Variants in XRCC4 observed in about 807,000 individuals in gnomAD.
XRCC4 encodes the protein DNA repair protein XRCC4.
In XRCC4, 28 loss-of-function variants were observed where a neutral mutation model predicts 39.1. The ratio of observed to expected loss-of-function variants is 0.72; its 90% confidence interval spans 0.53 to 0.98. The LOEUF (loss-of-function observed/expected upper bound fraction) is 0.98, where lower values mean the gene tolerates loss of function less well. Among genes scored for constraint, XRCC4 ranks in the 50% least tolerant of loss-of-function variants. The pLI is 0.00. For synonymous variants in XRCC4, 123 were observed against 126.4 expected, an observed-to-expected ratio of 0.97 and a Z score of 0.18; for missense variants, 350 against 376.4, an observed-to-expected ratio of 0.93 and a Z score of 0.58.
At chr5:83,090,442 G>A (rs956282103) in intron 1 of XRCC4, among the ~76,000 whole-genome samples, 4 of 152,096 alleles carry the variant, frequency 2.6e-5, no homozygotes, top group African/African-American at 4.8e-5. Flanking sequence ...TTATGAGACC[G>A]CCTCAGCCAT....
chr5:83,267,654 G>A (rs912054161), intron 7 of XRCC4, among the ~76,000 whole-genome samples: 1 of 152,136 alleles, frequency 6.6e-6, no homozygotes, highest in Non-Finnish European at 1.5e-5. Context: ...AGGGAGCAGG[G>A]CAGCATACCC....
chr5:83,120,379 A>G (rs1746952099), intron 3 of XRCC4, among the ~76,000 whole-genome samples: 1 of 152,206 alleles, frequency 6.6e-6, no homozygotes, highest in Non-Finnish European at 1.5e-5. Context: ...AGTTTTCAGT[A>G]TTCATAAAAG....
intron 7 of XRCC4, among the ~76,000 whole-genome samples, chr5:83,267,546 A>G (rs1753998396): frequency 6.6e-6 from 1 of 152,138 alleles, no homozygotes; most frequent in Non-Finnish European, 1.5e-5. Context: ...ATACATTCCT[A>G]TGTCTCTTTC....
At chr5:83,283,428 C>T (rs1480726310) in intron 7 of XRCC4, among the ~76,000 whole-genome samples, 1 of 152,166 alleles carries the variant, frequency 6.6e-6, no homozygotes, top group Non-Finnish European at 1.5e-5. Context: ...TGTGTTACTA[C>T]TTTTTCCTTT....
intron 7 of XRCC4, among the ~76,000 whole-genome samples, chr5:83,342,446 T>C (rs921456588): frequency 6.6e-6 from 1 of 152,206 alleles, no homozygotes; most frequent in Non-Finnish European, 1.5e-5. Flanking sequence ...ATTAAGTGTA[T>C]TCACTCTTTA....
chr5:83,134,678 A>G (rs1163452450), intron 3 of XRCC4, among the ~76,000 whole-genome samples: 2 of 152,222 alleles, frequency 1.3e-5, no homozygotes, highest in South Asian at 2.1e-4. Context: ...AGCCAGCAGC[A>G]GCAACTCACT....
the XRCC4 span, among the ~76,000 whole-genome samples, chr5:83,364,768 A>G: frequency 1.3e-5 from 2 of 152,184 alleles, no homozygotes; most frequent in African/African-American, 4.8e-5. Flanking sequence ...CCTGTCTTGC[A>G]TTTTCAACAC....
chr5:83,288,340 A>G (rs1370175310), intron 7 of XRCC4, among the ~76,000 whole-genome samples: 3 of 151,894 alleles, frequency 2.0e-5, no homozygotes, highest in East Asian at 1.9e-4. Context: ...CTACGTGACC[A>G]TATCAGTTAC....
At chr5:83,147,922 G>C (rs1235823584) in intron 3 of XRCC4, among the ~76,000 whole-genome samples, 1 of 151,650 alleles carries the variant, frequency 6.6e-6, no homozygotes, top group African/African-American at 2.4e-5. Context: ...TCCTTAGCTG[G>C]GATTACAGAC....
intron 6 of XRCC4, among the ~76,000 whole-genome samples, chr5:83,238,309 G>T (rs1752769083): frequency 6.6e-6 from 1 of 152,102 alleles, no homozygotes; most frequent in Non-Finnish European, 1.5e-5. Flanking sequence ...ACCTACTAGT[G>T]GCAGTCCTCA....
At chr5:83,285,354 A>T (rs754026791) in intron 7 of XRCC4, among the ~76,000 whole-genome samples, 6 of 152,074 alleles carry the variant, frequency 3.9e-5, no homozygotes, top group Non-Finnish European at 8.8e-5. Flanking sequence ...ATACAATCTA[A>T]ATATATTTCT....
intron 1 of XRCC4, among the ~76,000 whole-genome samples, chr5:83,090,376 T>C (rs1745370150): frequency 6.6e-6 from 1 of 152,122 alleles, no homozygotes; most frequent in Non-Finnish European, 1.5e-5. Flanking sequence ...CTCTGTCTCA[T>C]TGCCTGCTGC....
At chr5:83,363,521 CTG>C in the XRCC4 span, among the ~76,000 whole-genome samples, 33 of 152,146 alleles carry the variant, frequency 2.2e-4, no homozygotes, top group Non-Finnish European at 4.1e-4. Flanking sequence ...TCTTTGCTGA[CTG>C]TGTAATCCGC....
intron 7 of XRCC4, among the ~76,000 whole-genome samples, chr5:83,273,913 T>G (rs1463592857): frequency 2.0e-5 from 3 of 152,106 alleles, no homozygotes; most frequent in Admixed American, 2.0e-4. Context: ...CTTTTTTTTT[T>G]GTTCCGTGTG....
the XRCC4 span, among the ~76,000 whole-genome samples, chr5:83,358,908 G>A: frequency 6.6e-6 from 1 of 152,178 alleles, no homozygotes; most frequent in Non-Finnish European, 1.5e-5. Context: ...AGAAGCGACT[G>A]CAAGGATGCC....
At chr5:83,278,940 A>G (rs1034969575) in intron 7 of XRCC4, among the ~76,000 whole-genome samples, 3 of 148,738 alleles carry the variant, frequency 2.0e-5, no homozygotes, top group African/African-American at 5.0e-5. Flanking sequence ...GTGAGCCGAG[A>G]TCGTGCCACT....
chr5:83,303,563 T>C (rs1485764041), intron 7 of XRCC4, among the ~76,000 whole-genome samples: 1 of 152,128 alleles, frequency 6.6e-6, no homozygotes, highest in Non-Finnish European at 1.5e-5. Flanking sequence ...TTCTTCCAAA[T>C]TGTAAAAGAG....
At chr5:83,104,870 A>G (rs1287065804) in intron 1 of XRCC4, 40 bp from the exon 2 acceptor site, 1 of 1,578,048 alleles carries the variant, frequency 6.3e-7, no homozygotes, top group East Asian at 2.2e-5. Flanking sequence ...TTTGAGTTAC[A>G]GTTTCTTTTA....
chr5:83,360,448 T>C, the XRCC4 span, among the ~76,000 whole-genome samples: 1 of 152,170 alleles, frequency 6.6e-6, no homozygotes, highest in African/African-American at 2.4e-5. Context: ...GAACTAAGTT[T>C]ACAGTGGTGT....
Sources: gnomAD v4.1 joint callset for allele counts (sites outside exome capture counted in the v4.1 genomes callset) on GRCh38, gnomAD v4.1.1 for gene constraint, MANE v1.5 for transcripts, NCBI Gene and HGNC (gene_info 2026-07-23, HGNC 2026-07-21) for gene names.